ITGB3BP: variants seen among roughly 807,000 people sequenced by gnomAD.
ITGB3BP encodes integrin subunit beta 3 binding protein.
In ITGB3BP, 27 loss-of-function variants were observed where a neutral mutation model predicts 29.1. The ratio of observed to expected loss-of-function variants is 0.93; its 90% confidence interval spans 0.68 to 1.28. The LOEUF (loss-of-function observed/expected upper bound fraction) is 1.28, where lower values mean the gene tolerates loss of function less well. ITGB3BP is among the 50% of genes most tolerant of loss of function. The probability of loss-of-function intolerance (pLI) is 0.00; values close to 1 mark genes in which losing one functional copy is unlikely to be tolerated. For synonymous variants in ITGB3BP, 61 were observed against 61.4 expected (o/e 0.99, Z 0.03); for missense variants, 192 against 200.2 (o/e 0.96, Z 0.25).
intron 2 of ITGB3BP, among the ~76,000 whole-genome samples, chr1:63,492,042 T>A (rs756626596): frequency 2.0e-5 from 3 of 152,170 alleles, no homozygotes; most frequent in Non-Finnish European, 4.4e-5. Flanking sequence ...CTAATGTACA[T>A]CTATATCTAT....
chr1:63,481,185 T>C (rs1645430680), intron 3 of ITGB3BP, among the ~76,000 whole-genome samples: 1 of 152,138 alleles, frequency 6.6e-6, no homozygotes. Flanking sequence ...AGGTATTCAA[T>C]GCCTTTCTAA....
intron 7 of ITGB3BP, 122 bp from the exon 8 acceptor site, chr1:63,446,978 T>C (rs1644799031): frequency 1.5e-6 from 1 of 685,482 alleles, no homozygotes; most frequent in South Asian, 1.8e-5. Context: ...TCTTGTTTTA[T>C]ACTAATAGCA....
intron 7 of ITGB3BP, among the ~76,000 whole-genome samples, chr1:63,449,132 T>C (rs1327139177): frequency 6.6e-6 from 1 of 152,096 alleles, no homozygotes; most frequent in Non-Finnish European, 1.5e-5. Context: ...AGAAGGAAAA[T>C]TTATGAAACC....
At chr1:63,445,388 C>G (rs1309572980) in intron 8 of ITGB3BP, among the ~76,000 whole-genome samples, 3 of 151,998 alleles carry the variant, frequency 2.0e-5, no homozygotes, top group African/African-American at 7.3e-5. Flanking sequence ...TTACTACATA[C>G]AACAGAATAA....
At chr1:63,451,670 A>T (rs1266787386) in intron 7 of ITGB3BP, 3 of 152,026 alleles carry the variant, frequency 2.0e-5, no homozygotes, top group Non-Finnish European at 4.4e-5. Flanking sequence ...GTTAGGAACC[A>T]GAGAAAGAGG....
At chr1:63,516,293 T>C (rs1646319422) in intron 1 of ITGB3BP, among the ~76,000 whole-genome samples, 1 of 36,100 alleles carries the variant, frequency 2.8e-5, no homozygotes, top group East Asian at 8.6e-4. Flanking sequence ...CAAGACCATG[T>C]CTCAAAAAAA....
intron 2 of ITGB3BP, among the ~76,000 whole-genome samples, chr1:63,497,743 A>G (rs1479430488): frequency 6.6e-6 from 1 of 152,134 alleles, no homozygotes; most frequent in Non-Finnish European, 1.5e-5. Flanking sequence ...GACAGAAGGT[A>G]GGCTGAGTGT....
At chr1:63,448,107 C>T (rs1644811280) in intron 7 of ITGB3BP, among the ~76,000 whole-genome samples, 1 of 142,406 alleles carries the variant, frequency 7.0e-6, no homozygotes, top group African/African-American at 2.6e-5. Context: ...CATGTTCTCA[C>T]TCATAGGTGG....
chr1:63,527,044 C>T (rs878870936), upstream of ITGB3BP, among the ~76,000 whole-genome samples: 4 of 152,204 alleles, frequency 2.6e-5, no homozygotes, highest in Admixed American at 6.5e-5. Flanking sequence ...GCATTATAGG[C>T]GTGAGCCACC....
At chr1:63,460,107 C>T (rs1164253815) in intron 4 of ITGB3BP, among the ~76,000 whole-genome samples, 2 of 151,992 alleles carry the variant, frequency 1.3e-5, no homozygotes, top group East Asian at 3.9e-4. Flanking sequence ...TTCCGTTCAG[C>T]TTAAAATTTT....
chr1:63,482,968 T>TC (rs1389782397), intron 3 of ITGB3BP, among the ~76,000 whole-genome samples: 1 of 152,166 alleles, frequency 6.6e-6, no homozygotes, highest in Non-Finnish European at 1.5e-5. Context: ...TGGTTCTTTT[T>TC]CACTCAAAAT....
intron 2 of ITGB3BP, among the ~76,000 whole-genome samples, chr1:63,502,406 C>T (rs1645953837): frequency 1.3e-5 from 2 of 151,954 alleles, no homozygotes; most frequent in Non-Finnish European, 2.9e-5. Context: ...TTTCATGCTG[C>T]TGATAAAGAC....
rs7530696 is a variant in ITGB3BP at position 63,490,289 on chromosome 1, T to A, written c.49-71A>T. On this transcript the variant is annotated intron_variant, in intron 2 of 8. Coordinates refer to ENST00000271002, the MANE Select transcript of ITGB3BP (RefSeq NM_014288.5). Reference sequence around the variant, plus strand: ...ATAGATCTTTGAAATTATATACCATTAAAAAATCAGCAAAATTCAAACTTG... The same window carrying A: ...ATAGATCTTTGAAATTATATACCATAAAAAAATCAGCAAAATTCAAACTTG... The A allele has an allele frequency of 1.7e-3, 1,889 of 1,121,438 alleles. 20 individuals carry two copies. In the African/African-American group the frequency reaches 0.027, roughly 16 times the overall value. 69.5% of individuals were successfully genotyped at this position (1,121,438 alleles called of 1,614,324 possible).
chr1:63,492,775 A>AC (rs1027216429), intron 2 of ITGB3BP, among the ~76,000 whole-genome samples: 6 of 151,950 alleles, frequency 3.9e-5, no homozygotes, highest in African/African-American at 7.3e-5. Flanking sequence ...CAAAATAAAA[A>AC]AAAACAAAAC....
At chr1:63,519,833 T>G (rs1646410557) in intron 1 of ITGB3BP, among the ~76,000 whole-genome samples, 1 of 152,094 alleles carries the variant, frequency 6.6e-6, no homozygotes, top group Non-Finnish European at 1.5e-5. Context: ...TCCCTTATCT[T>G]GGAAAAAATA....
At chr1:63,502,849 T>G (rs997007759) in intron 2 of ITGB3BP, among the ~76,000 whole-genome samples, 3 of 152,170 alleles carry the variant, frequency 2.0e-5, no homozygotes, top group Non-Finnish European at 4.4e-5. Flanking sequence ...GAACTCATCA[T>G]TTTTTATGGC....
intron 2 of ITGB3BP, among the ~76,000 whole-genome samples, chr1:63,497,559 G>T (rs996665662): frequency 6.6e-6 from 1 of 152,160 alleles, no homozygotes; most frequent in African/African-American, 2.4e-5. Flanking sequence ...CTCATCCTGG[G>T]GGGGAGACTA....
chr1:63,452,541 C>T (rs981859477), intron 7 of ITGB3BP, among the ~76,000 whole-genome samples: 1 of 152,136 alleles, frequency 6.6e-6, no homozygotes, highest in African/African-American at 2.4e-5. Context: ...TTGGCTTATG[C>T]CTGTAATCCC....
chr1:63,499,107 A>G (rs1645860304), intron 2 of ITGB3BP, among the ~76,000 whole-genome samples: 1 of 152,118 alleles, frequency 6.6e-6, no homozygotes, highest in Admixed American at 6.5e-5. Flanking sequence ...AAAATTTACA[A>G]CAAAGAAAAG....
Sources: allele counts gnomAD v4.1 joint callset (sites outside exome capture counted in the v4.1 genomes callset), GRCh38; gene constraint gnomAD v4.1.1; transcripts MANE v1.5; gene names NCBI Gene and HGNC (gene_info 2026-07-23, HGNC 2026-07-21).